Variants in MARCHF11 observed in about 807,000 individuals in gnomAD.
MARCHF11 encodes the protein E3 ubiquitin-protein ligase MARCHF11.
In MARCHF11, 29 loss-of-function variants were observed where a neutral mutation model predicts 37.3. The ratio of observed to expected loss-of-function variants is 0.78; its 90% confidence interval spans 0.58 to 1.06. The LOEUF (loss-of-function observed/expected upper bound fraction) is 1.06, where lower values mean the gene tolerates loss of function less well. Ranked by LOEUF, MARCHF11 falls within the 50% of genes least tolerant of loss-of-function variation. The probability of loss-of-function intolerance (pLI) is 0.00; values close to 1 mark genes in which losing one functional copy is unlikely to be tolerated. For synonymous variants in MARCHF11, 233 were observed against 228.0 expected (o/e 1.02, Z -0.20); for missense variants, 482 against 533.4 (o/e 0.90, Z 0.95).
At chr5:16,176,709 C>T (rs1716428121) in intron 2 of MARCHF11, among the ~76,000 whole-genome samples, 1 of 152,148 alleles carries the variant, frequency 6.6e-6, no homozygotes, top group Admixed American at 6.5e-5. Flanking sequence ...ATTCAGCTTG[C>T]AGGTTCCTTC....
rs895880113 is a variant in MARCHF11, at chr5:16,079,707, G to A, written c.886+11182C>T. On this transcript the variant is annotated intron_variant, in intron 3 of 3. Coordinates refer to ENST00000332432, the MANE Select transcript of MARCHF11 (RefSeq NM_001102562.3). ...AGCATCACATTCATTGCTCTCCTCC[G>A]AGTCTTTTCCCACATTGTGCTTTTG... Among the ~76,000 whole-genome samples the A allele has an allele frequency of 3.9e-5, 6 of 152,150 alleles. No individual in the cohort carries two copies. The East Asian group carries it at 5.8e-4, about 15-fold the overall frequency.
At chr5:16,151,308 T>G (rs1027351037) in intron 2 of MARCHF11, among the ~76,000 whole-genome samples, 1 of 151,998 alleles carries the variant, frequency 6.6e-6, no homozygotes, top group African/African-American at 2.4e-5. Context: ...TATTTCTCTA[T>G]CACAAACAAG....
chr5:16,075,583 G>A (rs1396270575), intron 3 of MARCHF11, among the ~76,000 whole-genome samples: 1 of 152,128 alleles, frequency 6.6e-6, no homozygotes, highest in East Asian at 1.9e-4. Context: ...TGCTGAAAGA[G>A]AGGGAGAGAG....
chr5:16,166,065 A>G (rs998723863), intron 2 of MARCHF11, among the ~76,000 whole-genome samples: 1 of 152,096 alleles, frequency 6.6e-6, no homozygotes, highest in Non-Finnish European at 1.5e-5. Context: ...AGATTTTTAT[A>G]TTATAGTTCA....
At chr5:16,084,599 C>T (rs1182225362) in intron 3 of MARCHF11, among the ~76,000 whole-genome samples, 3 of 151,128 alleles carry the variant, frequency 2.0e-5, no homozygotes, top group Admixed American at 6.6e-5. Flanking sequence ...GCCAAGACCA[C>T]GCCACTGCAA....
chr5:16,095,738 T>C (rs534414403), intron 2 of MARCHF11, among the ~76,000 whole-genome samples: 1 of 152,198 alleles, frequency 6.6e-6, no homozygotes, highest in South Asian at 2.1e-4. Flanking sequence ...GCCCCCACTG[T>C]CTACTATTTA....
intron 2 of MARCHF11, among the ~76,000 whole-genome samples, chr5:16,174,722 T>C (rs1738326937): frequency 6.6e-6 from 1 of 152,080 alleles, no homozygotes; most frequent in Non-Finnish European, 1.5e-5. Flanking sequence ...GGAAGGGAAG[T>C]TATGGTGATA....
In MARCHF11 at chr5:16,124,113, A is replaced by C. The variant is rs116412123; in HGVS notation, c.694-33032T>G. Reference sequence around the variant, plus strand: ...CGAGAGTGACGTTGCAGGCCTGGGAAGTTCATTTTAAGAGCTTCTGAGCAT... The same window carrying C: ...CGAGAGTGACGTTGCAGGCCTGGGACGTTCATTTTAAGAGCTTCTGAGCAT... On this transcript the variant is annotated intron_variant, in intron 2 of 3. Coordinates refer to ENST00000332432, the MANE Select transcript of MARCHF11 (RefSeq NM_001102562.3). 4.5e-3 allele frequency among the ~76,000 whole-genome samples: 683 copies of C among 152,310 alleles called. 1 individual carries two copies. Among genetic ancestry groups the C allele is most frequent in the Non-Finnish European group, 7.0e-3 (473 of 68,030 alleles).
rs184191181 is a variant in MARCHF11 at position 16,141,868 on chromosome 5, T to C, written c.693+35858A>G. On this transcript the variant is annotated intron_variant, in intron 2 of 3. Coordinates refer to ENST00000332432, the MANE Select transcript of MARCHF11 (RefSeq NM_001102562.3). The stretch of plus-strand genomic sequence containing the variant: ...CTTTGCAGTATCCAAGTACTTCACA[T>C]TCATTGCCTCACGGCATGAGGACCC... 2.6e-5 allele frequency among the ~76,000 whole-genome samples: 4 copies of C among 152,326 alleles called. No individual in the cohort carries two copies. The East Asian group carries it at 7.7e-4, about 29-fold the overall frequency.
intron 2 of MARCHF11, among the ~76,000 whole-genome samples, chr5:16,155,758 A>T (rs1279522148): frequency 6.6e-6 from 1 of 151,912 alleles, no homozygotes; most frequent in Non-Finnish European, 1.5e-5. Context: ...AGCACTTTGC[A>T]AGGAGCCTGA....
intron 3 of MARCHF11, among the ~76,000 whole-genome samples, chr5:16,083,471 A>T (rs1736645921): frequency 2.0e-5 from 3 of 152,118 alleles, no homozygotes; most frequent in African/African-American, 7.3e-5. Context: ...CAAAGGCCTT[A>T]CCAACAATTA....
At chr5:16,078,635 T>C (rs1381118064) in intron 3 of MARCHF11, among the ~76,000 whole-genome samples, 1 of 152,156 alleles carries the variant, frequency 6.6e-6, no homozygotes, top group Non-Finnish European at 1.5e-5. Context: ...AATCCAACAG[T>C]TCCCCAGAGG....
intron 2 of MARCHF11, among the ~76,000 whole-genome samples, chr5:16,115,630 CTTT>C (rs5866171): frequency 4.9e-5 from 7 of 143,568 alleles, no homozygotes; most frequent in African/African-American, 5.1e-5. Flanking sequence ...AGCTTGTTTG[CTTT>C]TTTTTTTTTT....
At chr5:16,114,860 G>A (rs925323793) in intron 2 of MARCHF11, among the ~76,000 whole-genome samples, 9 of 152,038 alleles carry the variant, frequency 5.9e-5, no homozygotes, top group Non-Finnish European at 1.2e-4. Flanking sequence ...ATATAGTATA[G>A]TTTTTGTATT....
chr5:16,153,596 C>A (rs537789110), intron 2 of MARCHF11, among the ~76,000 whole-genome samples: 7 of 151,884 alleles, frequency 4.6e-5, no homozygotes, highest in Non-Finnish European at 1.0e-4. Flanking sequence ...CTTTACATGG[C>A]AAGATATTTG....
At chr5:16,166,740 G>C (rs1738175183) in intron 2 of MARCHF11, among the ~76,000 whole-genome samples, 1 of 151,826 alleles carries the variant, frequency 6.6e-6, no homozygotes, top group South Asian at 2.1e-4. Context: ...AGTTACAAAT[G>C]TATAGTTTAT....
chr5:16,179,434 A>C lies in MARCHF11; in HGVS notation c.142T>G (p.Tyr48Asp). Residue 48 changes from tyrosine to aspartate, a missense_variant, in exon 1 of 4, where the codon TAC becomes GAC. Physicochemically the swap from Tyr to Asp is radical, Grantham distance 160. Transcript: ENST00000332432. ...GGGGACGCGGGCAGCGGCGGCAGGT[A>C]GCGCGGGGCCGCGGGGACCGGGGCC... is the stretch of plus-strand genomic sequence containing the variant. ...EPAPVPAAPR[Y>D]LPPLPASPET... The C allele has an allele frequency of 1.8e-6, 2 of 1,112,328 alleles. No individual in the cohort carries two copies. Among genetic ancestry groups the C allele is most frequent in the Non-Finnish European group, 2.2e-6 (2 of 913,366 alleles). 68.9% of individuals were successfully genotyped at this position (1,112,328 alleles called of 1,614,324 possible).
intron 2 of MARCHF11, among the ~76,000 whole-genome samples, chr5:16,112,682 G>A (rs534130830): frequency 2.0e-5 from 3 of 152,310 alleles, no homozygotes; most frequent in African/African-American, 7.2e-5. Context: ...GGCATGATTG[G>A]TTTTGAAATC....
intron 2 of MARCHF11, among the ~76,000 whole-genome samples, chr5:16,101,902 T>C (rs1163751964): frequency 6.6e-6 from 1 of 152,212 alleles, no homozygotes; most frequent in Non-Finnish European, 1.5e-5. Context: ...GACCATAGCA[T>C]GAGGCAGATT....
Sources: allele counts gnomAD v4.1 joint callset (sites outside exome capture counted in the v4.1 genomes callset), GRCh38; gene constraint gnomAD v4.1.1; transcripts MANE v1.5; gene names NCBI Gene and HGNC (gene_info 2026-07-23, HGNC 2026-07-21).